FSTL4: variants seen among roughly 807,000 people sequenced by gnomAD.
FSTL4 encodes the protein follistatin-related protein 4.
Under a neutral mutation model 78.2 loss-of-function variants are expected in FSTL4, and 28 were observed. The ratio of observed to expected loss-of-function variants is 0.36; its 90% CI spans 0.27 to 0.49. The LOEUF (loss-of-function observed/expected upper bound fraction) is 0.49. Ranked by LOEUF, FSTL4 falls within the 20% of genes least tolerant of loss-of-function variation. The probability of loss-of-function intolerance (pLI) is 0.98; values close to 1 mark genes in which losing one functional copy is unlikely to be tolerated. For missense variants in FSTL4, 922 were observed against 1,084.9 expected, an observed-to-expected ratio of 0.85 and a Z score of 2.11; for synonymous variants, 422 against 440.5, an observed-to-expected ratio of 0.96 and a Z score of 0.53.
the FSTL4 span, among the ~76,000 whole-genome samples, chr5:133,708,089 GGGAAAGGGGGCA>G: frequency 6.7e-6 from 1 of 148,710 alleles, no homozygotes; most frequent in Non-Finnish European, 1.5e-5. Context: ...GAGGGAAGGA[GGGAAAGGGGGCA>G]GGAAAGGGGA....
chr5:133,238,426 C>G (rs772781556), intron 7 of FSTL4, among the ~76,000 whole-genome samples: 11 of 152,238 alleles, frequency 7.2e-5, no homozygotes, highest in Non-Finnish European at 1.5e-4. Flanking sequence ...ATGCAGCAAA[C>G]TTAAACACAG....
chr5:133,340,500 G>A (rs1754556506), intron 4 of FSTL4, among the ~76,000 whole-genome samples: 1 of 152,118 alleles, frequency 6.6e-6, no homozygotes, highest in African/African-American at 2.4e-5. Flanking sequence ...CCTGCTTCAA[G>A]GCAGCCACTT....
chr5:133,700,542 T>C, the FSTL4 span, among the ~76,000 whole-genome samples: 5 of 152,258 alleles, frequency 3.3e-5, no homozygotes, highest in Non-Finnish European at 7.3e-5. Flanking sequence ...TGAGTGTGCC[T>C]GATGGGGCAG....
chr5:133,681,468 AG>A, the FSTL4 span, among the ~76,000 whole-genome samples: 1 of 152,230 alleles, frequency 6.6e-6, no homozygotes, highest in African/African-American at 2.4e-5. Flanking sequence ...TCTGTGATCC[AG>A]TCCTAGATAC....
intron 3 of FSTL4, among the ~76,000 whole-genome samples, chr5:133,520,187 G>A (rs1049266211): frequency 1.3e-5 from 2 of 152,146 alleles, no homozygotes; most frequent in African/African-American, 4.8e-5. Flanking sequence ...TAAAACCACA[G>A]GTTTGGGGAA....
intron 12 of FSTL4, among the ~76,000 whole-genome samples, chr5:133,220,375 A>G (rs1183193181): frequency 6.6e-6 from 1 of 152,244 alleles, no homozygotes; most frequent in African/African-American, 2.4e-5. Flanking sequence ...GCCTCTGCCC[A>G]CTGAATGTTC....
intron 4 of FSTL4, among the ~76,000 whole-genome samples, chr5:133,388,966 G>A (rs1755773764): frequency 6.6e-6 from 1 of 151,804 alleles, no homozygotes; most frequent in Admixed American, 6.6e-5. Context: ...TTGAAGTGGA[G>A]AAGGAACTTC....
At position 133,228,636 on chromosome 5, in the gene FSTL4, G is replaced by A. The variant is rs371031956; in HGVS notation, c.1016-2817C>T. The stretch of plus-strand genomic sequence containing the variant: ...CTACCATTAATCATTCCAAAGTCAA[G>A]GAGAAAAACCATTTGATTCTCTTGC... On this transcript the variant is annotated intron_variant, in intron 8 of 15. Coordinates refer to ENST00000265342, the MANE Select transcript of FSTL4 (RefSeq NM_015082.2). Among the ~76,000 whole-genome samples the A allele has an allele frequency of 3.5e-4, 53 of 152,258 alleles. No homozygotes were observed. In the South Asian group the frequency reaches 8.9e-3, roughly 26 times the overall value.
intron 4 of FSTL4, among the ~76,000 whole-genome samples, chr5:133,342,153 TG>T (rs1754597356): frequency 6.6e-6 from 1 of 152,072 alleles, no homozygotes; most frequent in Admixed American, 6.5e-5. Context: ...GAGGGGGCAC[TG>T]AAGGTCTGTG....
At chr5:133,701,852 C>A in the FSTL4 span, among the ~76,000 whole-genome samples, 1 of 152,276 alleles carries the variant, frequency 6.6e-6, no homozygotes. Context: ...CCACAGAGAA[C>A]AGCCAAGAGA....
At chr5:133,733,279 G>A in the FSTL4 span, among the ~76,000 whole-genome samples, 1 of 152,160 alleles carries the variant, frequency 6.6e-6, no homozygotes, top group Non-Finnish European at 1.5e-5. Context: ...TGCTTGCAAT[G>A]TAGGTAGAAT....
chr5:133,263,853 A>T (rs1396745779), intron 6 of FSTL4, among the ~76,000 whole-genome samples: 1 of 152,322 alleles, frequency 6.6e-6, no homozygotes, highest in East Asian at 1.9e-4. Flanking sequence ...TGGGTGAGGC[A>T]GGGGCACGGA....
the FSTL4 span, among the ~76,000 whole-genome samples, chr5:133,802,423 A>C: frequency 1.3e-5 from 2 of 152,224 alleles, no homozygotes; most frequent in Non-Finnish European, 2.9e-5. Flanking sequence ...CAAATATGAC[A>C]TTGAAAATAA....
intron 3 of FSTL4, among the ~76,000 whole-genome samples, chr5:133,525,542 A>T (rs1759077067): frequency 6.6e-6 from 1 of 152,240 alleles, no homozygotes; most frequent in South Asian, 2.1e-4. Context: ...CAGTCTCCTC[A>T]CGGTCTCTGT....
chr5:133,284,108 C>A (rs557033964), intron 6 of FSTL4, among the ~76,000 whole-genome samples: 7 of 152,236 alleles, frequency 4.6e-5, no homozygotes, highest in South Asian at 2.1e-4. Flanking sequence ...GACATGGAAC[C>A]AAACCATATC....
At chr5:133,322,548 G>A (rs768934147) in intron 4 of FSTL4, among the ~76,000 whole-genome samples, 5 of 152,230 alleles carry the variant, frequency 3.3e-5, no homozygotes, top group Admixed American at 6.5e-5. Context: ...TCACTCATGA[G>A]TGGGTTGCCG....
At chr5:133,732,538 T>C in the FSTL4 span, among the ~76,000 whole-genome samples, 1 of 152,082 alleles carries the variant, frequency 6.6e-6, no homozygotes, top group Admixed American at 6.5e-5. Flanking sequence ...CGTCAGCAGG[T>C]TTCGTCTCCC....
chr5:133,400,216 C>A (rs1036680799), intron 4 of FSTL4, among the ~76,000 whole-genome samples: 3 of 152,236 alleles, frequency 2.0e-5, no homozygotes, highest in Non-Finnish European at 2.9e-5. Context: ...GCAGGGGCTT[C>A]CTTGTCTTGC....
the FSTL4 span, among the ~76,000 whole-genome samples, chr5:133,753,443 T>A: frequency 7.9e-5 from 12 of 151,780 alleles, no homozygotes; most frequent in Admixed American, 7.9e-4. Flanking sequence ...GACCCAGGAG[T>A]CCCTAATCTC....
Sources: gnomAD v4.1 joint callset for allele counts (sites outside exome capture counted in the v4.1 genomes callset) on GRCh38, gnomAD v4.1.1 for gene constraint, MANE v1.5 for transcripts, NCBI Gene and HGNC (gene_info 2026-07-23, HGNC 2026-07-21) for gene names.